Variants in CLIC5 observed in about 807,000 individuals in gnomAD.
CLIC5 encodes chloride intracellular channel protein 5.
In CLIC5, 20 loss-of-function variants were observed where a neutral mutation model predicts 24.7. The observed-to-expected ratio is 0.81, with a 90% CI of 0.57 to 1.18. The LOEUF (loss-of-function observed/expected upper bound fraction) is 1.18, where lower values mean the gene tolerates loss of function less well. CLIC5 is among the 50% of genes most tolerant of loss of function. The pLI is 0.00. For missense variants in CLIC5, 341 were observed against 326.1 expected, an observed-to-expected ratio of 1.05 and a Z score of -0.35; for synonymous variants, 159 against 135.6, an observed-to-expected ratio of 1.17 and a Z score of -1.20.
At chr6:45,968,115 A>G (rs538831985) in intron 1 of CLIC5, among the ~76,000 whole-genome samples, 7 of 152,320 alleles carry the variant, frequency 4.6e-5, no homozygotes, top group Admixed American at 2.6e-4. Flanking sequence ...GCCTAGTCAC[A>G]GGCAAAGCCA....
In CLIC5 at chr6:46,015,555, C is replaced by G. The variant is rs1766972514; in HGVS notation, c.-13G>C. ...CCGAGTCTGTCATGCCGTTGGCGCC[C>G]GGGGCTACCGTCCCGGGCCGGGGAG... is the stretch of plus-strand genomic sequence containing the variant. On this transcript the variant is annotated 5_prime_UTR_variant, in exon 1 of 6. Coordinates refer to ENST00000339561, the MANE Select transcript of CLIC5 (RefSeq NM_016929.5). The G allele has an allele frequency of 6.4e-7, 1 of 1,563,672 alleles. No individual in the cohort carries two copies. The highest frequency in any genetic ancestry group is 1.2e-5 in the South Asian group (1 of 84,494).
At chr6:45,893,999 G>T (rs987010976), downstream of CLIC5, among the ~76,000 whole-genome samples, 1 of 152,214 alleles carries the variant, frequency 6.6e-6, no homozygotes, top group African/African-American at 2.4e-5. Flanking sequence ...CCCATGGTGT[G>T]GCAGTCTCGT....
intron 1 of CLIC5, among the ~76,000 whole-genome samples, chr6:46,064,663 G>T (rs1484940295): frequency 6.6e-6 from 1 of 151,874 alleles, no homozygotes; most frequent in Non-Finnish European, 1.5e-5. Flanking sequence ...GTGGGGTTTA[G>T]CCCAAAAATG....
intron 1 of CLIC5, among the ~76,000 whole-genome samples, chr6:46,065,097 TAATAAGCAA>T (rs1178667983): frequency 6.6e-6 from 1 of 152,096 alleles, no homozygotes. Context: ...AATGCTAAAA[TAATAAGCAA>T]AATATTTGAA....
intron 1 of CLIC5, among the ~76,000 whole-genome samples, chr6:45,968,690 G>A (rs1339271110): frequency 6.6e-6 from 1 of 152,162 alleles, no homozygotes; most frequent in Non-Finnish European, 1.5e-5. Context: ...TTAATTAATT[G>A]GAGGCGGGTG....
chr6:46,096,876 T>C, the CLIC5 span, among the ~76,000 whole-genome samples: 2 of 152,132 alleles, frequency 1.3e-5, no homozygotes, highest in Non-Finnish European at 2.9e-5. Context: ...GCAAAACAAA[T>C]CTATAGTTTG....
chr6:46,095,040 C>A, the CLIC5 span, among the ~76,000 whole-genome samples: 1 of 152,200 alleles, frequency 6.6e-6, no homozygotes, highest in African/African-American at 2.4e-5. Context: ...ATGGCTTACA[C>A]CCTCTGAAGC....
intron 1 of CLIC5, among the ~76,000 whole-genome samples, chr6:46,039,838 C>T (rs1767757670): frequency 6.6e-6 from 1 of 152,138 alleles, no homozygotes; most frequent in Admixed American, 6.5e-5. Context: ...TAAATCAGCA[C>T]ATGGAAAAAT....
At chr6:45,967,218 G>A (rs549384961) in intron 1 of CLIC5, among the ~76,000 whole-genome samples, 1 of 152,170 alleles carries the variant, frequency 6.6e-6, no homozygotes, top group East Asian at 1.9e-4. Context: ...TGGGCAGGGT[G>A]GATCCACACA....
At chr6:46,004,405 G>A (rs1483948367) in intron 1 of CLIC5, among the ~76,000 whole-genome samples, 2 of 152,232 alleles carry the variant, frequency 1.3e-5, no homozygotes, top group East Asian at 1.9e-4. Flanking sequence ...GAAGTGATTC[G>A]ACCATGCAAA....
intron 1 of CLIC5, among the ~76,000 whole-genome samples, chr6:46,011,394 T>G (rs1033740149): frequency 2.6e-5 from 4 of 152,218 alleles, no homozygotes; most frequent in African/African-American, 9.6e-5. Flanking sequence ...TATGACTCAG[T>G]GGCTCTCCAC....
chr6:46,077,104 T>C (rs1218381353), intron 1 of CLIC5, among the ~76,000 whole-genome samples: 1 of 150,508 alleles, frequency 6.6e-6, no homozygotes, highest in African/African-American at 2.4e-5. Context: ...AAAAAAAAAG[T>C]GCATGGGAGA....
At chr6:46,070,652 G>T (rs1762569313) in intron 1 of CLIC5, among the ~76,000 whole-genome samples, 1 of 152,016 alleles carries the variant, frequency 6.6e-6, no homozygotes, top group South Asian at 2.1e-4. Context: ...ATTGCCCAAA[G>T]CAATTTATAG....
chr6:45,945,647 C>CT (rs1172467665), intron 3 of CLIC5, among the ~76,000 whole-genome samples: 1 of 152,174 alleles, frequency 6.6e-6, no homozygotes, highest in Non-Finnish European at 1.5e-5. Flanking sequence ...GTTACTGCAA[C>CT]ATAGCACAAC....
At chr6:46,035,545 T>C (rs944239253) in intron 1 of CLIC5, among the ~76,000 whole-genome samples, 5 of 152,128 alleles carry the variant, frequency 3.3e-5, no homozygotes, top group Admixed American at 1.3e-4. Flanking sequence ...TGCAGAATTG[T>C]GTCTGAAAAT....
intron 1 of CLIC5, among the ~76,000 whole-genome samples, chr6:45,972,987 G>T (rs200166331): frequency 1.3e-5 from 2 of 152,128 alleles, no homozygotes; most frequent in East Asian, 1.9e-4. Flanking sequence ...TCCATACCTC[G>T]TGCAGAGGAG....
chr6:45,902,916 G>A lies in CLIC5; in HGVS notation c.*172C>T. 4 of 665,396 alleles carry A rather than the reference G, an allele frequency of 6.0e-6. No individual in the cohort carries two copies. Among genetic ancestry groups the A allele is most frequent in the Non-Finnish European group, 1.0e-5 (4 of 391,422 alleles). 41.2% of individuals were successfully genotyped at this position (665,396 alleles called of 1,614,324 possible). On this transcript the variant is annotated 3_prime_UTR_variant, in exon 6 of 6. Transcript: ENST00000339561. ...ATTCCTATGTGAGGAGGCCAGGGAT[G>A]GTGCTGACCTTCATGAAAGATAGCA...
At chr6:46,039,261 C>T (rs1374277607) in intron 1 of CLIC5, among the ~76,000 whole-genome samples, 3 of 151,992 alleles carry the variant, frequency 2.0e-5, no homozygotes, top group Non-Finnish European at 2.9e-5. Context: ...TTGGTATTTA[C>T]CTTCTGGATT....
chr6:45,905,054 CTT>C (rs751682524), intron 5 of CLIC5, among the ~76,000 whole-genome samples: 37 of 152,184 alleles, frequency 2.4e-4, no homozygotes, highest in Non-Finnish European at 4.4e-4. Flanking sequence ...AAGGACATGA[CTT>C]TGTTTCTTTA....
Sources: gnomAD v4.1 joint callset for allele counts (sites outside exome capture counted in the v4.1 genomes callset) on GRCh38, gnomAD v4.1.1 for gene constraint, MANE v1.5 for transcripts, NCBI Gene and HGNC (gene_info 2026-07-23, HGNC 2026-07-21) for gene names.